The following ARID1A variants were observed in gnomAD, a reference collection of about 807,000 sequenced individuals.
ARID1A encodes the protein AT-rich interactive domain-containing protein 1A.
Under a neutral mutation model 212.6 loss-of-function variants are expected in ARID1A, and 20 were observed. The observed-to-expected ratio is 0.09, with a 90% CI of 0.07 to 0.14. ARID1A has a LOEUF of 0.14. ARID1A is among the 10% of genes least tolerant of loss of function. The probability of loss-of-function intolerance (pLI) is 1.00; values close to 1 mark genes in which losing one functional copy is unlikely to be tolerated. For synonymous variants in ARID1A, 1,376 were observed against 1,222.1 expected, an observed-to-expected ratio of 1.13 and a Z score of -2.63; for missense variants, 2,587 against 3,059.0, an observed-to-expected ratio of 0.85 and a Z score of 3.64.
intron 1 of ARID1A, among the ~76,000 whole-genome samples, chr1:26,705,793 T>C (rs1401394902): frequency 6.6e-6 from 1 of 152,226 alleles, no homozygotes; most frequent in Non-Finnish European, 1.5e-5. Context: ...CTGAATGAAC[T>C]TCTGTTTGTT....
intron 1 of ARID1A, among the ~76,000 whole-genome samples, chr1:26,708,302 T>C (rs61786487): frequency 3.0e-5 from 4 of 131,536 alleles, no homozygotes; most frequent in African/African-American, 1.2e-4. Context: ...TTTTTTTTTT[T>C]GAGACGGAGT....
Position 26,767,885 on chromosome 1 carries a change from G to A in ARID1A, c.3084G>A (p.Leu1028=), listed in dbSNP as rs147183988. ...PERKMWVDRY[L]AFTEEKAMGM... is the part of the protein sequence containing the mutation. ...GGAAGATGTGGGTGGACCGTTATCTGGCCTTCACTGAGGAGAAGGCCATGG... is the reference window on the plus strand; with the variant it reads ...GGAAGATGTGGGTGGACCGTTATCTAGCCTTCACTGAGGAGAAGGCCATGG... Residue 1028 remains leucine (L), a synonymous_variant, in exon 11 of 20, where the codon CTG becomes CTA. Transcript: ENST00000324856. The A allele has an allele frequency of 2.5e-6, 4 of 1,614,024 alleles. No individual in the cohort carries two copies. The African/African-American group carries it at 5.3e-5, about 22-fold the overall frequency.
In ARID1A at chr1:26,763,539, A is replaced by G. The variant is rs565901856; in HGVS notation, c.2732+254A>G. ...TGTAATCCTAGCACTTTGGGAGGCCAAGGCGGGCAGATCATGAGGTCAGAA... is the reference window on the plus strand; with the variant it reads ...TGTAATCCTAGCACTTTGGGAGGCCGAGGCGGGCAGATCATGAGGTCAGAA... On this transcript the variant is annotated intron_variant, in intron 8 of 19. Transcript: ENST00000324856. Among the ~76,000 whole-genome samples the G allele has an allele frequency of 7.9e-5, 12 of 152,322 alleles. No homozygotes were observed. In the South Asian group the frequency reaches 2.5e-3, roughly 32 times the overall value.
chr1:26,756,767 A>G (rs1474598065), intron 4 of ARID1A, among the ~76,000 whole-genome samples: 1 of 151,486 alleles, frequency 6.6e-6, no homozygotes, highest in Non-Finnish European at 1.5e-5. Flanking sequence ...CAGTGGCACA[A>G]TCTCGGCTCA....
intron 1 of ARID1A, among the ~76,000 whole-genome samples, chr1:26,726,646 C>T (rs1270354775): frequency 1.3e-5 from 2 of 152,118 alleles, no homozygotes; most frequent in Non-Finnish European, 2.9e-5. Context: ...GGGCTTTGTC[C>T]CCATAGTGTC....
intron 1 of ARID1A, among the ~76,000 whole-genome samples, chr1:26,716,609 GC>G (rs1362389943): frequency 6.6e-6 from 1 of 152,014 alleles, no homozygotes; most frequent in Non-Finnish European, 1.5e-5. Context: ...TTGTTCCTCA[GC>G]AAGGCTCTTC....
chr1:26,740,053 C>T (rs549694385), intron 4 of ARID1A, among the ~76,000 whole-genome samples: 7 of 150,904 alleles, frequency 4.6e-5, no homozygotes, highest in Admixed American at 1.3e-4. Flanking sequence ...AACCTGGCTA[C>T]GTGTTGTCTG....
chr1:26,756,802 A>G (rs61786510), intron 4 of ARID1A, among the ~76,000 whole-genome samples: 4,488 of 151,228 alleles, frequency 0.03, 107 homozygotes, highest in Middle Eastern at 0.071. Context: ...TTCCAGATTC[A>G]CGCCATTCTC....
chr1:26,713,283 A>G (rs1281013951), intron 1 of ARID1A, among the ~76,000 whole-genome samples: 5 of 152,056 alleles, frequency 3.3e-5, no homozygotes, highest in Non-Finnish European at 7.3e-5. Context: ...AACTCCAGTA[A>G]CTTTACCACA....
intron 1 of ARID1A, among the ~76,000 whole-genome samples, chr1:26,700,077 T>TG (rs2080317992): frequency 6.6e-6 from 1 of 152,216 alleles, no homozygotes; most frequent in Admixed American, 6.5e-5. Context: ...ACCCAGGGAA[T>TG]GGGCTGGTGA....
At position 26,772,957 on chromosome 1, in the gene ARID1A, A is replaced by G. The variant is rs1557614743; in HGVS notation, c.3685A>G (p.Asn1229Asp). The change falls in exon 14 of 20, where the codon AAT becomes GAT. Residue 1229 changes from asparagine to aspartate, a missense_variant. Transcript: ENST00000324856. ...DMMGRMSYEP[N>D]KDPYGSMRKA... Reference sequence around the variant, plus strand: ...GATGGGGCGCATGTCCTATGAGCCAAATAAGGATCCTTATGGCAGCATGAG... The same window carrying G: ...GATGGGGCGCATGTCCTATGAGCCAGATAAGGATCCTTATGGCAGCATGAG... 2 of 1,612,864 alleles carry G rather than the reference A, an allele frequency of 1.2e-6. No homozygotes were observed. The highest frequency in any genetic ancestry group is 4.5e-5 in the East Asian group (2 of 44,872).
Position 26,700,088 on chromosome 1 carries a change from GCATT to G in ARID1A, c.1137+2551_1137+2554del, listed in dbSNP as rs748312853. On this transcript the variant is annotated intron_variant, in intron 1 of 19. Coordinates refer to ENST00000324856, the MANE Select transcript of ARID1A (RefSeq NM_006015.6). ...AGAGACCCAGGGAATGGGCTGGTGA[GCATT>G]CAGTTGTGTAAGAGACAGTGCAGCT... 7.2e-5 allele frequency among the ~76,000 whole-genome samples: 11 copies of G among 152,318 alleles called. No homozygotes were observed. In the East Asian group the frequency reaches 1.2e-3, roughly 16 times the overall value.
chr1:26,768,134 TAGA>T (rs2081054530), intron 11 of ARID1A, 135 bp downstream of exon 11: 3 of 1,009,032 alleles, frequency 3.0e-6, no homozygotes, highest in Middle Eastern at 3.2e-4. Flanking sequence ...CTAATATTGA[TAGA>T]CCGGGGAGCA....
At position 26,697,068 on chromosome 1, in the gene ARID1A, A is replaced by T; in HGVS notation, c.665A>T (p.Tyr222Phe). Residue 222 changes from tyrosine to phenylalanine, a missense_variant, in exon 1 of 20, where the codon TAC becomes TTC. Coordinates refer to ENST00000324856, the MANE Select transcript of ARID1A (RefSeq NM_006015.6). ...YNSYYPNRSA[Y>F]PPPAPAYALS... ...TCCTACTACCCCAACCGCAGCGCCT[A>T]CCCCCCGCCCGCCCCGGCCTACGCG... 1 of 1,503,226 alleles carries T rather than the reference A, an allele frequency of 6.7e-7. No homozygotes were observed. Among genetic ancestry groups the T allele is most frequent in the South Asian group, 1.3e-5 (1 of 78,084 alleles). 93.1% of individuals were successfully genotyped at this position (1,503,226 alleles called of 1,614,324 possible).
intron 4 of ARID1A, among the ~76,000 whole-genome samples, chr1:26,757,650 A>G (rs1172110878): frequency 1.3e-5 from 2 of 152,228 alleles, no homozygotes; most frequent in Middle Eastern, 3.4e-3. Flanking sequence ...TTACTTGTAT[A>G]AAGACAAAAA....
chr1:26,707,630 A>C (rs764955171), intron 1 of ARID1A, among the ~76,000 whole-genome samples: 1 of 152,168 alleles, frequency 6.6e-6, no homozygotes, highest in Non-Finnish European at 1.5e-5. Context: ...GGCGTGAGCC[A>C]CTGTGCCTGG....
Position 26,775,583 on chromosome 1 carries a change from C to T in ARID1A, c.5000C>T (p.Pro1667Leu), listed in dbSNP as rs758507020. 3.1e-6 allele frequency: 5 copies of T among 1,613,874 alleles called. No homozygotes were observed. Among genetic ancestry groups the T allele is most frequent in the Non-Finnish European group, 4.2e-6 (5 of 1,179,990 alleles). The change falls in exon 19 of 20, where the codon CCG becomes CTG. Residue 1667 changes from proline (P) to leucine (L), a missense_variant. By Grantham distance (98) the Pro-to-Leu change is moderately conservative. Coordinates refer to ENST00000324856, the MANE Select transcript of ARID1A (RefSeq NM_006015.6). ...RRLTMKDIGT[P>L]EAWRVMMSLK... ...ACATGGAGGTTTATTTCAGGAACCCCGGAGGCATGGCGGGTAATGATGTCC... is the reference window on the plus strand; with the variant it reads ...ACATGGAGGTTTATTTCAGGAACCCTGGAGGCATGGCGGGTAATGATGTCC...
intron 1 of ARID1A, among the ~76,000 whole-genome samples, chr1:26,704,430 T>C (rs528612624): frequency 6.6e-6 from 1 of 152,208 alleles, no homozygotes; most frequent in East Asian, 1.9e-4. Flanking sequence ...GTTGGGACTC[T>C]TAGGCTGCTA....
At chr1:26,747,412 T>G (rs1557600841) in intron 4 of ARID1A, among the ~76,000 whole-genome samples, 1 of 152,216 alleles carries the variant, frequency 6.6e-6, no homozygotes, top group East Asian at 1.9e-4. Flanking sequence ...GGCTTAATCT[T>G]GAGAGTCAGC....
Sources: gnomAD v4.1 joint callset for allele counts (sites outside exome capture counted in the v4.1 genomes callset) on GRCh38, gnomAD v4.1.1 for gene constraint, MANE v1.5 for transcripts, NCBI Gene and HGNC (gene_info 2026-07-23, HGNC 2026-07-21) for gene names.